Variants in CSMD1 observed in about 807,000 individuals in gnomAD.
CSMD1 encodes the protein CUB and Sushi multiple domains 1.
Under a neutral mutation model 417.5 loss-of-function variants are expected in CSMD1, and 213 were observed. The observed-to-expected ratio is 0.51, with a 90% CI of 0.46 to 0.57. The LOEUF (loss-of-function observed/expected upper bound fraction) is 0.57, where lower values mean the gene tolerates loss of function less well. CSMD1 is among the 20% of genes least tolerant of loss of function. CSMD1 has a pLI of 0.00. For synonymous variants in CSMD1, 2,862 were observed against 1,736.8 expected, an observed-to-expected ratio of 1.65 and a Z score of -16.11; for missense variants, 6,923 against 4,529.7, an observed-to-expected ratio of 1.53 and a Z score of -15.17.
At chr8:3,709,413 A>G (rs1438587142) in intron 6 of CSMD1, among the ~76,000 whole-genome samples, 1 of 152,098 alleles carries the variant, frequency 6.6e-6, no homozygotes, top group African/African-American at 2.4e-5. Context: ...CTATGTGTAA[A>G]TAGCTGTGAG....
At chr8:3,326,724 T>C (rs1469606508) in intron 23 of CSMD1, among the ~76,000 whole-genome samples, 1 of 152,320 alleles carries the variant, frequency 6.6e-6, no homozygotes, top group East Asian at 1.9e-4. Context: ...CTCCCTATTG[T>C]ATTGGAATTG....
chr8:3,781,633 TTGA>T (rs1335938250), intron 5 of CSMD1, among the ~76,000 whole-genome samples: 5 of 152,184 alleles, frequency 3.3e-5, no homozygotes, highest in African/African-American at 1.2e-4. Flanking sequence ...AACCCTATAG[TTGA>T]TGATTGTCCC....
intron 5 of CSMD1, among the ~76,000 whole-genome samples, chr8:3,947,764 G>C (rs1188723940): frequency 1.3e-5 from 2 of 151,922 alleles, no homozygotes; most frequent in Non-Finnish European, 2.9e-5. Context: ...TGTTCCATGT[G>C]CGGTTGAAAG....
chr8:3,637,761 T>G (rs1440144172), intron 7 of CSMD1, among the ~76,000 whole-genome samples: 1 of 152,156 alleles, frequency 6.6e-6, no homozygotes, highest in African/African-American at 2.4e-5. Flanking sequence ...CATCTTGAAT[T>G]GTAGCTCCCA....
chr8:4,495,055 G>C (rs953648766), intron 2 of CSMD1, among the ~76,000 whole-genome samples: 3 of 152,116 alleles, frequency 2.0e-5, no homozygotes, highest in Non-Finnish European at 2.9e-5. Flanking sequence ...AAAAGCACTA[G>C]GGACAGGGAG....
At chr8:4,931,888 G>A (rs571364947) in intron 1 of CSMD1, among the ~76,000 whole-genome samples, 10 of 152,128 alleles carry the variant, frequency 6.6e-5, no homozygotes, top group Non-Finnish European at 1.5e-5. Context: ...TTGTTATATG[G>A]AGATATGTAC....
chr8:4,471,196 T>C lies in CSMD1; in HGVS notation c.303-51131A>G, dbSNP rs77084144. On this transcript the variant is annotated intron_variant, in intron 2 of 69. Transcript: ENST00000635120. ...GGATTTAATTCCAACAACATTATTA[T>C]GGAAAAACAATCTTAGAAAAAGTCT... is the stretch of plus-strand genomic sequence containing the variant. Among the ~76,000 whole-genome samples, 104 of 152,308 alleles carry C rather than the reference T, an allele frequency of 6.8e-4. 1 individual carries two copies. The East Asian group carries it at 0.014, about 21-fold the overall frequency.
At chr8:3,839,970 G>C (rs138065789) in intron 5 of CSMD1, among the ~76,000 whole-genome samples, 74 of 152,218 alleles carry the variant, frequency 4.9e-4, no homozygotes, top group Middle Eastern at 3.4e-3. Flanking sequence ...GAAGCATTGG[G>C]TGAGATGTTG....
rs151065700 is a variant in CSMD1 at position 4,194,253 on chromosome 8, G to A, written c.416-162154C>T. On this transcript the variant is annotated intron_variant, in intron 3 of 69. Transcript: ENST00000635120. ...ACTGCTGCTTTTAACACCAAATGAGGAGTGAATTTAGAAATTATAATGAAG... is the reference window on the plus strand; with the variant it reads ...ACTGCTGCTTTTAACACCAAATGAGAAGTGAATTTAGAAATTATAATGAAG... Among the ~76,000 whole-genome samples, 6 of 152,146 alleles carry A rather than the reference G, an allele frequency of 3.9e-5. No individual in the cohort carries two copies. The East Asian group carries it at 1.2e-3, about 29-fold the overall frequency.
At position 4,591,516 on chromosome 8, in the gene CSMD1, G is replaced by T. The variant is rs566994363; in HGVS notation, c.302+45826C>A. Among the ~76,000 whole-genome samples, 307 of 152,282 alleles carry T rather than the reference G, an allele frequency of 2.0e-3. 3 individuals carry two copies. Among genetic ancestry groups the T allele is most frequent in the Non-Finnish European group, 2.4e-3 (160 of 68,032 alleles). Reference sequence around the variant, plus strand: ...TGGTAGGTCCAGGGAAGTCACTGTGGTATAGCGTGATTACAGAGTGAAGGA... The same window carrying T: ...TGGTAGGTCCAGGGAAGTCACTGTGTTATAGCGTGATTACAGAGTGAAGGA... On this transcript the variant is annotated intron_variant, in intron 2 of 69. Coordinates refer to ENST00000635120, the MANE Select transcript of CSMD1 (RefSeq NM_033225.6).
At chr8:3,941,657 G>T (rs976684972) in intron 5 of CSMD1, among the ~76,000 whole-genome samples, 1 of 152,052 alleles carries the variant, frequency 6.6e-6, no homozygotes, top group Admixed American at 6.6e-5. Flanking sequence ...TTTTTCAACT[G>T]CAAGCCCACG....
At chr8:3,587,046 T>G (rs1800633618) in intron 8 of CSMD1, among the ~76,000 whole-genome samples, 1 of 152,198 alleles carries the variant, frequency 6.6e-6, no homozygotes, top group Non-Finnish European at 1.5e-5. Flanking sequence ...GTGATTCACC[T>G]GCCTCAGCCT....
At chr8:4,061,071 T>G (rs1312836685) in intron 3 of CSMD1, among the ~76,000 whole-genome samples, 2 of 151,964 alleles carry the variant, frequency 1.3e-5, no homozygotes, top group African/African-American at 4.8e-5. Flanking sequence ...CTACATTTAA[T>G]TTGTTTGTTG....
Position 4,920,354 on chromosome 8 carries a change from G to T in CSMD1, c.85+73978C>A, listed in dbSNP as rs10097367. Among the ~76,000 whole-genome samples, 917 of 152,234 alleles carry T rather than the reference G, an allele frequency of 6.0e-3. 8 individuals carry two copies. Among genetic ancestry groups the T allele is most frequent in the African/African-American group, 0.021 (862 of 41,520 alleles). ...GGAAAATTAGAATATTAATAACAAA[G>T]TATTTAGAGAGAAAATGCATATGGA... On this transcript the variant is annotated intron_variant, in intron 1 of 69. Coordinates refer to ENST00000635120, the MANE Select transcript of CSMD1 (RefSeq NM_033225.6).
At chr8:4,375,288 A>T (rs1802660088) in intron 3 of CSMD1, among the ~76,000 whole-genome samples, 1 of 152,168 alleles carries the variant, frequency 6.6e-6, no homozygotes, top group African/African-American at 2.4e-5. Context: ...AAAGACACAA[A>T]AAAGTGTCAT....
chr8:3,452,960 G>C (rs1042842309), intron 12 of CSMD1, among the ~76,000 whole-genome samples: 3 of 152,122 alleles, frequency 2.0e-5, no homozygotes, highest in Admixed American at 6.5e-5. Context: ...ACTTTTTTTG[G>C]TTGGTAAGCT....
At chr8:4,343,551 G>C (rs532980604) in intron 3 of CSMD1, among the ~76,000 whole-genome samples, 57 of 152,156 alleles carry the variant, frequency 3.7e-4, no homozygotes, top group African/African-American at 1.2e-3. Context: ...AATGTTACTT[G>C]TCAATTATAT....
At chr8:3,169,737 G>C (rs998975139) in intron 37 of CSMD1, among the ~76,000 whole-genome samples, 20 of 152,212 alleles carry the variant, frequency 1.3e-4, no homozygotes, top group African/African-American at 4.8e-4. Flanking sequence ...AGTTGAACAA[G>C]GCACCTGTGA....
chr8:4,226,122 A>C (rs2128810967), intron 3 of CSMD1, among the ~76,000 whole-genome samples: 1 of 151,852 alleles, frequency 6.6e-6, no homozygotes, highest in African/African-American at 2.4e-5. Context: ...ACACACATAC[A>C]CACTTGCTAG....
Sources: gnomAD v4.1 joint callset for allele counts (sites outside exome capture counted in the v4.1 genomes callset) on GRCh38, gnomAD v4.1.1 for gene constraint, MANE v1.5 for transcripts, NCBI Gene and HGNC (gene_info 2026-07-23, HGNC 2026-07-21) for gene names.